TBC1D8: variants seen among roughly 807,000 people sequenced by gnomAD.
The protein encoded by TBC1D8 is TBC1 domain family member 8, also known as BUB2-like protein 1.
A neutral mutation model predicts 118.8 loss-of-function variants in TBC1D8; 65 were observed. The ratio of observed to expected loss-of-function variants is 0.55; its 90% CI spans 0.45 to 0.67. TBC1D8 has a LOEUF of 0.67. Among genes scored for constraint, TBC1D8 ranks in the 30% least tolerant of loss-of-function variants. TBC1D8 has a pLI of 0.00. For synonymous variants in TBC1D8, 566 were observed against 595.8 expected (o/e 0.95, Z 0.73); for missense variants, 1,376 against 1,471.2 (o/e 0.94, Z 1.06).
chr2:101,040,296 G>A lies in TBC1D8; in HGVS notation c.962C>T (p.Ser321Leu), dbSNP rs1283877053. 6 of 1,613,856 alleles carry A rather than the reference G, an allele frequency of 3.7e-6. No homozygotes were observed. The highest frequency in any genetic ancestry group is 2.2e-5 in the South Asian group (2 of 91,082). Reference protein sequence around the residue: ...KEKLHAVVDCSLWTPFSRCHT... With the variant: ...KEKLHAVVDCLLWTPFSRCHT... Reference sequence around the variant, plus strand: ...ACAGCGACTGAACGGCGTCCAGAGCGAACAGTCCACAACCGCGTGCAGCTT... The same window carrying A: ...ACAGCGACTGAACGGCGTCCAGAGCAAACAGTCCACAACCGCGTGCAGCTT... The change falls in exon 6 of 20, where the codon TCG (serine) becomes TTG (leucine). Residue 321 changes from serine (S) to leucine (L), a missense_variant. Ser to Leu is a moderately radical substitution (Grantham distance 145). Coordinates refer to ENST00000409318, the MANE Select transcript of TBC1D8 (RefSeq NM_001330348.2).
chr2:101,017,003 C>T (rs1679697979), intron 17 of TBC1D8, among the ~76,000 whole-genome samples: 1 of 151,612 alleles, frequency 6.6e-6, no homozygotes, highest in Non-Finnish European at 1.5e-5. Flanking sequence ...TGCAGCACAC[C>T]AGCATGGCAC....
At chr2:101,117,659 T>C (rs1035290296) in intron 1 of TBC1D8, among the ~76,000 whole-genome samples, 8 of 150,256 alleles carry the variant, frequency 5.3e-5, no homozygotes, top group African/African-American at 1.5e-4. Context: ...CTGCAAGCTC[T>C]GCCTCCCGGG....
intron 2 of TBC1D8, among the ~76,000 whole-genome samples, chr2:101,067,717 T>G (rs556574573): frequency 6.6e-6 from 1 of 152,312 alleles, no homozygotes; most frequent in South Asian, 2.1e-4. Flanking sequence ...GTGTGCTGGC[T>G]GCTGAAAGTT....
intron 1 of TBC1D8, among the ~76,000 whole-genome samples, chr2:101,104,935 G>A: frequency 6.7e-6 from 1 of 149,532 alleles, no homozygotes; most frequent in East Asian, 2.0e-4. Context: ...CTCAGGAGGA[G>A]AATCGCTTGA....
chr2:101,061,865 T>G (rs1001774632), intron 2 of TBC1D8, among the ~76,000 whole-genome samples: 1 of 152,208 alleles, frequency 6.6e-6, no homozygotes, highest in Admixed American at 6.5e-5. Context: ...TCAGGAAAGC[T>G]TATTTTAAAA....
intron 1 of TBC1D8, among the ~76,000 whole-genome samples, chr2:101,109,518 C>G (rs773879443): frequency 7.2e-5 from 11 of 152,216 alleles, no homozygotes; most frequent in Non-Finnish European, 1.3e-4. Flanking sequence ...GCTCCCACAA[C>G]AGCGTGCAGC....
intron 1 of TBC1D8, among the ~76,000 whole-genome samples, chr2:101,129,134 A>G (rs11679880): frequency 0.13 from 19,788 of 152,004 alleles, 1,447 homozygotes; most frequent in East Asian, 0.28. Context: ...TGTGTGTTTT[A>G]TTTTGTTTTG....
chr2:101,151,013 C>A (rs1314125604), intron 1 of TBC1D8, 114 bp downstream of exon 1: 2 of 766,894 alleles, frequency 2.6e-6, no homozygotes, highest in African/African-American at 3.8e-5. Flanking sequence ...GTCCGGGCCC[C>A]GCGTCTCCCA....
At chr2:101,097,441 T>G (rs1050260940) in intron 1 of TBC1D8, among the ~76,000 whole-genome samples, 1 of 151,816 alleles carries the variant, frequency 6.6e-6, no homozygotes, top group Non-Finnish European at 1.5e-5. Flanking sequence ...AAAAAGATAA[T>G]CGTCTAAAGT....
intron 10 of TBC1D8, chr2:101,032,701 G>GCA: frequency 4.1e-6 from 1 of 243,342 alleles, no homozygotes; most frequent in Middle Eastern, 1.3e-3. Context: ...ACACACACAT[G>GCA]CACACACGTG....
intron 1 of TBC1D8, among the ~76,000 whole-genome samples, chr2:101,111,630 G>C (rs1035862420): frequency 1.3e-5 from 2 of 152,222 alleles, no homozygotes; most frequent in African/African-American, 4.8e-5. Flanking sequence ...AACCAAGAGA[G>C]GACAATGGGT....
rs1683133236 is a variant in TBC1D8, at chr2:101,068,428, T to A, written c.284-8889A>T. On this transcript the variant is annotated intron_variant, in intron 2 of 19. Coordinates refer to ENST00000409318, the MANE Select transcript of TBC1D8 (RefSeq NM_001330348.2). ...CAGAACGTTCAGGAAAAAACTTAAC[T>A]GTATCCAGCAATTCAGATATAGCGA... The A allele has an allele frequency of 1.9e-5, 6 of 307,982 alleles. No homozygotes were observed. The South Asian group carries it at 2.5e-4, about 13-fold the overall frequency. 19.1% of individuals were successfully genotyped at this position (307,982 alleles called of 1,614,324 possible).
At chr2:101,038,189 T>A (rs879611887) in intron 7 of TBC1D8, among the ~76,000 whole-genome samples, 3 of 152,158 alleles carry the variant, frequency 2.0e-5, no homozygotes, top group Admixed American at 6.5e-5. Context: ...TTTAGCAGGT[T>A]ACACGTGCCT....
chr2:101,048,310 G>A (rs1415804042), intron 5 of TBC1D8, among the ~76,000 whole-genome samples: 3 of 152,168 alleles, frequency 2.0e-5, no homozygotes, highest in Admixed American at 6.5e-5. Flanking sequence ...ACACTGTACT[G>A]GACTGTCTTG....
At chr2:101,037,404 A>G (rs1304727616) in intron 8 of TBC1D8, 128 bp downstream of exon 8, 1 of 1,331,944 alleles carries the variant, frequency 7.5e-7, no homozygotes, top group Non-Finnish European at 1.0e-6. Flanking sequence ...CATGAGAACA[A>G]GACGGAGGAG....
At chr2:101,053,555 T>C (rs1682197985) in intron 4 of TBC1D8, among the ~76,000 whole-genome samples, 1 of 152,216 alleles carries the variant, frequency 6.6e-6, no homozygotes, top group African/African-American at 2.4e-5. Context: ...TTTTAAACAC[T>C]CAATACACAA....
chr2:101,136,941 C>G (rs1473055232), intron 1 of TBC1D8, among the ~76,000 whole-genome samples: 2 of 152,074 alleles, frequency 1.3e-5, no homozygotes, highest in African/African-American at 4.8e-5. Context: ...ATGCTCTTTA[C>G]GCCTTTTTAA....
At position 101,021,700 on chromosome 2, in the gene TBC1D8, G is replaced by A. The variant is rs1221282192; in HGVS notation, c.2808C>T (p.Tyr936=). ...GEMNEKIKLL[Y]RLHIPPALTE... is the part of the protein sequence containing the mutation. ...TCTTACCTGGAGGGATATGAAGCCT[G>A]TATAATAGTTTAATCTTCTCATTCA... Residue 936 remains tyrosine, a synonymous_variant, in exon 17 of 20, where the codon TAC becomes TAT. Coordinates refer to ENST00000409318, the MANE Select transcript of TBC1D8 (RefSeq NM_001330348.2). The A allele has an allele frequency of 6.2e-7, 1 of 1,600,966 alleles. No homozygotes were observed. Among genetic ancestry groups the A allele is most frequent in the Non-Finnish European group, 8.5e-7 (1 of 1,171,238 alleles).
chr2:101,117,010 T>C (rs545556149), intron 1 of TBC1D8, among the ~76,000 whole-genome samples: 5 of 152,072 alleles, frequency 3.3e-5, no homozygotes, highest in African/African-American at 7.2e-5. Context: ...TCCAATGTGA[T>C]TGGTGTCATC....
Sources: allele counts gnomAD v4.1 joint callset (sites outside exome capture counted in the v4.1 genomes callset), GRCh38; gene constraint gnomAD v4.1.1; transcripts MANE v1.5; gene names NCBI Gene and HGNC (gene_info 2026-07-23, HGNC 2026-07-21).